Variants in FABP3 observed in about 807,000 individuals in gnomAD.
FABP3 encodes the protein fatty acid binding protein 3.
FABP3 carries 8 observed loss-of-function variants against 13.4 expected under a neutral mutation model. The observed-to-expected ratio is 0.60, with a 90% CI of 0.35 to 1.07. The LOEUF (loss-of-function observed/expected upper bound fraction) is 1.07, where lower values mean the gene tolerates loss of function less well. Among genes scored for constraint, FABP3 ranks in the 50% least tolerant of loss-of-function variants. The probability of loss-of-function intolerance (pLI) is 0.02; values close to 1 mark genes in which losing one functional copy is unlikely to be tolerated. For synonymous variants in FABP3, 64 were observed against 60.0 expected, an observed-to-expected ratio of 1.07 and a Z score of -0.31; for missense variants, 135 against 164.7, an observed-to-expected ratio of 0.82 and a Z score of 0.99.
At chr1:31,368,806 T>C (rs1353128957) in intron 2 of FABP3, among the ~76,000 whole-genome samples, 6 of 152,182 alleles carry the variant, frequency 3.9e-5, no homozygotes, top group Admixed American at 3.3e-4. Context: ...TCACGGAACA[T>C]AGCTCTTCCT....
At chr1:31,364,157 A>C, downstream of FABP3, 1 of 1,613,868 alleles carries the variant, frequency 6.2e-7, no homozygotes, top group Non-Finnish European at 8.5e-7. Context: ...AGAAGAAGAA[A>C]AAGAAGAAGA....
chr1:31,372,606 C>T (rs1640226721), intron 1 of FABP3, among the ~76,000 whole-genome samples: 1 of 152,140 alleles, frequency 6.6e-6, no homozygotes, highest in African/African-American at 2.4e-5. Context: ...ACCCATGCCC[C>T]TGTTCTTTTT....
At chr1:31,372,747 C>A (rs900340694) in intron 1 of FABP3, among the ~76,000 whole-genome samples, 195 bp downstream of exon 1, 9 of 152,186 alleles carry the variant, frequency 5.9e-5, no homozygotes, top group Admixed American at 2.6e-4. Flanking sequence ...ACCTCCCTAC[C>A]GTGGTCTCTA....
At chr1:31,369,124 TC>T (rs1330785246) in intron 2 of FABP3, 1 of 444,296 alleles carries the variant, frequency 2.3e-6, no homozygotes, top group East Asian at 3.5e-5. Context: ...CAGAAGAACA[TC>T]CTGGCTCTGT....
chr1:31,362,535 G>A (rs531428335), downstream of FABP3, among the ~76,000 whole-genome samples: 2 of 148,832 alleles, frequency 1.3e-5, no homozygotes, highest in African/African-American at 2.5e-5. Context: ...GTAGCATGAT[G>A]TGGTGGGTAT....
At position 31,365,963 on chromosome 1, in the gene FABP3, T is replaced by TG. The variant is rs766128256; in HGVS notation, c.349-25dup. 81 of 1,611,764 alleles carry TG rather than the reference T, an allele frequency of 5.0e-5. No homozygotes were observed. In the South Asian group the frequency reaches 7.9e-4, roughly 16 times the overall value. On this transcript the variant is annotated intron_variant, in intron 3 of 3. Coordinates refer to ENST00000373713, the MANE Select transcript of FABP3 (RefSeq NM_004102.5). ...GTCTGGAAGGAAAGACAGAGTGAGA[T>TG]GGGGGGTGGAGCCAGGAACACCATT...
At chr1:31,359,830 A>G in the FABP3 span, among the ~76,000 whole-genome samples, 1 of 152,026 alleles carries the variant, frequency 6.6e-6, no homozygotes, top group African/African-American at 2.4e-5. Flanking sequence ...TTCTATTTCC[A>G]TCTGATACTT....
In FABP3 at chr1:31,365,775, C is replaced by T; in HGVS notation, c.*111G>A. ...GATCCCGGTCAGTGGCACCTGACCC[C>T]AGAAGAATTCGTGGATTTGTACAAA... On this transcript the variant is annotated 3_prime_UTR_variant, in exon 4 of 4. Transcript: ENST00000373713. The T allele has an allele frequency of 2.0e-6, 2 of 1,016,376 alleles. No homozygotes were observed. Among genetic ancestry groups the T allele is most frequent in the South Asian group, 1.3e-5 (1 of 74,400 alleles). 63.0% of individuals were successfully genotyped at this position (1,016,376 alleles called of 1,614,324 possible).
downstream of FABP3, chr1:31,364,090 C>G: frequency 1.2e-6 from 2 of 1,613,746 alleles, no homozygotes; most frequent in Non-Finnish European, 1.7e-6. Context: ...AGCTCAGACT[C>G]TGAGAGTGAT....
chr1:31,369,299 GCAATA>G lies in FABP3; in HGVS notation c.246+81_246+85del, dbSNP rs1640163311. 2.2e-6 allele frequency: 3 copies of G among 1,388,680 alleles called. No homozygotes were observed. The East Asian group carries it at 6.9e-5, about 32-fold the overall frequency. 86.0% of individuals were successfully genotyped at this position (1,388,680 alleles called of 1,614,324 possible). On this transcript the variant is annotated intron_variant, in intron 2 of 3. Coordinates refer to ENST00000373713, the MANE Select transcript of FABP3 (RefSeq NM_004102.5). ...CCCATGATAGTCTGCCCCTCAGGGT[GCAATA>G]CCAGGGAGCCAAGACTACCAGCCTA... is the stretch of plus-strand genomic sequence containing the variant.
intron 2 of FABP3, 113 bp from the exon 3 acceptor site, chr1:31,367,607 G>C (rs1640136940): frequency 2.3e-6 from 2 of 861,218 alleles, no homozygotes. Flanking sequence ...AACTAGTGAT[G>C]GTGTGAGGAC....
downstream of FABP3, among the ~76,000 whole-genome samples, chr1:31,363,215 G>A (rs1410391671): frequency 3.6e-5 from 5 of 138,390 alleles, no homozygotes; most frequent in South Asian, 4.4e-4. Flanking sequence ...ACGGAGTCTC[G>A]CTCTGTCGCC....
intron 1 of FABP3, among the ~76,000 whole-genome samples, chr1:31,371,330 T>G (rs1640204496): frequency 6.6e-6 from 1 of 152,154 alleles, no homozygotes; most frequent in Non-Finnish European, 1.5e-5. Context: ...CTCTGTTCAC[T>G]TAGGATCTAC....
chr1:31,364,067 ATCTGAC>A, downstream of FABP3: 1 of 1,613,816 alleles, frequency 6.2e-7, no homozygotes, highest in African/African-American at 1.3e-5. Context: ...ATAGGAAGTC[ATCTGAC>A]TCTGACAGCT....
rs1376821290 is a variant in FABP3 at position 31,372,928 on chromosome 1, C to T, written c.73+14G>A. ...GTCCCCAAGCCAACATCCTGAGCCC[C>T]GCGGCTTGCTCACCGAGTGACTTCA... On this transcript the variant is annotated intron_variant, in intron 1 of 3. Coordinates refer to ENST00000373713, the MANE Select transcript of FABP3 (RefSeq NM_004102.5). The T allele has an allele frequency of 1.2e-6, 2 of 1,611,978 alleles. No individual in the cohort carries two copies. The highest frequency in any genetic ancestry group is 8.5e-7 in the Non-Finnish European group (1 of 1,179,720).
Position 31,365,755 on chromosome 1 carries a change from C to T in FABP3, c.*131G>A, listed in dbSNP as rs572732210. On this transcript the variant is annotated 3_prime_UTR_variant, in exon 4 of 4. Coordinates refer to ENST00000373713, the MANE Select transcript of FABP3 (RefSeq NM_004102.5). ...CACCATGGGAACTGGAACTGGATCC[C>T]GGTCAGTGGCACCTGACCCCAGAAG... is the stretch of plus-strand genomic sequence containing the variant. 23 of 805,458 alleles carry T rather than the reference C, an allele frequency of 2.9e-5. No individual in the cohort carries two copies. The highest frequency in any genetic ancestry group is 6.8e-5 in the African/African-American group (4 of 58,562). 49.9% of individuals were successfully genotyped at this position (805,458 alleles called of 1,614,324 possible).
At chr1:31,363,794 T>C (rs1640022123), downstream of FABP3, among the ~76,000 whole-genome samples, 1 of 152,028 alleles carries the variant, frequency 6.6e-6, no homozygotes. Context: ...AAAAGAAAAT[T>C]AAGTGGTCCC....
chr1:31,368,413 T>C (rs988688065), intron 2 of FABP3, among the ~76,000 whole-genome samples: 1 of 152,194 alleles, frequency 6.6e-6, no homozygotes, highest in African/African-American at 2.4e-5. Flanking sequence ...TAATTGGGGT[T>C]CTTGCCCCTT....
downstream of FABP3, among the ~76,000 whole-genome samples, chr1:31,362,032 G>A (rs1252433504): frequency 2.0e-5 from 3 of 152,056 alleles, no homozygotes; most frequent in African/African-American, 4.8e-5. Flanking sequence ...GGATGGTCTC[G>A]ATCTCCTGAC....
Sources: allele counts gnomAD v4.1 joint callset (sites outside exome capture counted in the v4.1 genomes callset), GRCh38; gene constraint gnomAD v4.1.1; transcripts MANE v1.5; gene names NCBI Gene and HGNC (gene_info 2026-07-23, HGNC 2026-07-21).